PCDHGA3: variants seen among roughly 807,000 people sequenced by gnomAD.
PCDHGA3 encodes protocadherin gamma subfamily A, 3, also known as protocadherin gamma-A3.
Under a neutral mutation model 58.5 loss-of-function variants are expected in PCDHGA3, and 40 were observed. The observed-to-expected ratio is 0.68, with a 90% CI of 0.53 to 0.89. The LOEUF (loss-of-function observed/expected upper bound fraction) is 0.89. Among genes scored for constraint, PCDHGA3 ranks in the 40% least tolerant of loss-of-function variants. The pLI, the probability that PCDHGA3 is intolerant of heterozygous loss-of-function variation, is 0.00. For synonymous variants in PCDHGA3, 530 were observed against 525.7 expected (o/e 1.01, Z -0.11); for missense variants, 1,223 against 1,195.9 (o/e 1.02, Z -0.33).
rs570083634 is a variant in PCDHGA3, at chr5:141,427,859, C to G, written c.2425-66948C>G. 25 of 1,556,390 alleles carry G rather than the reference C, an allele frequency of 1.6e-5. No homozygotes were observed. The Admixed American group carries it at 2.0e-4, about 13-fold the overall frequency. ...CCTTCGACCACGAGCAGCTGTGCGC[C>G]TTCGAGCTCACGATGCAGGCCCACG... On this transcript the variant is annotated intron_variant, in intron 1 of 3. Coordinates refer to ENST00000253812, the MANE Select transcript of PCDHGA3 (RefSeq NM_018916.4).
chr5:141,457,635 T>G (rs1242403589), intron 1 of PCDHGA3, among the ~76,000 whole-genome samples: 2 of 152,270 alleles, frequency 1.3e-5, no homozygotes, highest in African/African-American at 4.8e-5. Flanking sequence ...ATACTTGGCC[T>G]GATTATTTGC....
At chr5:141,410,715 GTT>G (rs2154543204) in intron 1 of PCDHGA3, 19 of 1,422,782 alleles carry the variant, frequency 1.3e-5, no homozygotes, top group Non-Finnish European at 1.8e-5. Context: ...AGAATCATAT[GTT>G]TAAAATCCAT....
intron 1 of PCDHGA3, chr5:141,383,000 C>T (rs1330577304): frequency 6.2e-7 from 1 of 1,613,646 alleles, no homozygotes; most frequent in Non-Finnish European, 8.5e-7. Context: ...ATTCTCTACT[C>T]CGTGTCGGAG....
At position 141,344,158 on chromosome 5, in the gene PCDHGA3, G is replaced by A. The variant is rs761148064; in HGVS notation, c.125G>A (p.Gly42Asp). The A allele has an allele frequency of 1.2e-6, 2 of 1,613,910 alleles. No individual in the cohort carries two copies. The highest frequency in any genetic ancestry group is 1.7e-6 in the Non-Finnish European group (2 of 1,179,908). Residue 42 changes from glycine (G) to aspartate (D), a missense_variant, in exon 1 of 4, where the codon GGT becomes GAT. Physicochemically the swap from Gly to Asp is moderately conservative, Grantham distance 94. Coordinates refer to ENST00000253812, the MANE Select transcript of PCDHGA3 (RefSeq NM_018916.4). Reference protein sequence around the residue: ...RYSVSEELDKGSFVGNIANDL... With the variant: ...RYSVSEELDKDSFVGNIANDL... ...TCGGTGTCTGAGGAGCTAGATAAAG[G>A]TTCCTTCGTGGGCAACATCGCTAAC...
intron 1 of PCDHGA3, chr5:141,426,693 A>C (rs62378458): frequency 0.034 from 14,964 of 435,892 alleles, 320 homozygotes; most frequent in Middle Eastern, 0.11. Flanking sequence ...CCAAAATAGC[A>C]TTGTTTTACA....
In PCDHGA3 at chr5:141,345,485, C is replaced by T; in HGVS notation, c.1452C>T (p.Asn484=). Residue 484 remains asparagine (N), a synonymous_variant, in exon 1 of 4, where the codon AAC becomes AAT. Coordinates refer to ENST00000253812, the MANE Select transcript of PCDHGA3 (RefSeq NM_018916.4). ...CCCAGGACCCAGATAGCAACAACAA[C>T]GCCCGCATCACTTATGCATTGACCG... ...VTAQDPDSNN[N]ARITYALTED... 6.2e-7 allele frequency: 1 copy of T among 1,614,174 alleles called. No individual in the cohort carries two copies. Among genetic ancestry groups the T allele is most frequent in the Non-Finnish European group, 8.5e-7 (1 of 1,180,018 alleles).
chr5:141,452,587 A>G (rs1171400700), intron 1 of PCDHGA3, among the ~76,000 whole-genome samples: 1 of 151,948 alleles, frequency 6.6e-6, no homozygotes, highest in Non-Finnish European at 1.5e-5. Context: ...CCATCTTTGT[A>G]TTTTTATTTT....
At chr5:141,483,603 A>T (rs1277479077) in intron 1 of PCDHGA3, among the ~76,000 whole-genome samples, 1 of 152,054 alleles carries the variant, frequency 6.6e-6, no homozygotes, top group Non-Finnish European at 1.5e-5. Context: ...AGGCTGGTTT[A>T]CACCTCCATC....
At chr5:141,410,764 A>G (rs1288407043) in intron 1 of PCDHGA3, 2 of 1,105,068 alleles carry the variant, frequency 1.8e-6, no homozygotes, top group African/African-American at 1.6e-5. Context: ...TTTTTCAATT[A>G]TAGTTTTCAC....
chr5:141,430,904 T>C (rs2097322701), intron 1 of PCDHGA3: 5 of 1,606,730 alleles, frequency 3.1e-6, no homozygotes, highest in Middle Eastern at 1.7e-4. Context: ...GGGCGACATC[T>C]CCAGGGACCT....
intron 1 of PCDHGA3, chr5:141,384,394 G>C (rs1252206948): frequency 1.2e-6 from 2 of 1,613,814 alleles, no homozygotes; most frequent in Non-Finnish European, 1.7e-6. Context: ...CATCCAGGGG[G>C]CTCCAGTGTC....
At chr5:141,347,112 CTCCT>C (rs753513852) in intron 1 of PCDHGA3, among the ~76,000 whole-genome samples, 5 of 80,984 alleles carry the variant, frequency 6.2e-5, no homozygotes, top group African/African-American at 2.5e-4. Context: ...TCTCTCTTTC[CTCCT>C]TCCTTCCTTC....
chr5:141,407,958 A>G lies in PCDHGA3; in HGVS notation c.2424+61501A>G, dbSNP rs1018466165. On this transcript the variant is annotated intron_variant, in intron 1 of 3. Transcript: ENST00000253812. ...TGGGCGCCGCTGTCGGCCAGTGCAG[A>G]GCAAGCGCTGACGCCGGGGATCCGT... 5 of 660,632 alleles carry G rather than the reference A, an allele frequency of 7.6e-6. No homozygotes were observed. In the South Asian group the frequency reaches 1.2e-4, roughly 15 times the overall value. 40.9% of individuals were successfully genotyped at this position (660,632 alleles called of 1,614,324 possible).
intron 1 of PCDHGA3, among the ~76,000 whole-genome samples, chr5:141,471,887 G>T (rs1215891997): frequency 6.6e-6 from 1 of 152,152 alleles, no homozygotes; most frequent in African/African-American, 2.4e-5. Context: ...CTGAAGCTAG[G>T]AAGATTGACT....
chr5:141,399,659 T>A (rs1277891886), intron 1 of PCDHGA3: 1 of 1,613,684 alleles, frequency 6.2e-7, no homozygotes, highest in African/African-American at 1.3e-5. Flanking sequence ...GGGGTGGTGT[T>A]CGCGCAGCGC....
intron 1 of PCDHGA3, among the ~76,000 whole-genome samples, chr5:141,480,949 G>A (rs949853273): frequency 2.0e-4 from 30 of 152,136 alleles, no homozygotes; most frequent in African/African-American, 4.6e-4. Flanking sequence ...AGAGGCTGAG[G>A]CGGAAGCATC....
intron 1 of PCDHGA3, chr5:141,394,982 C>G (rs754667421): frequency 2.7e-5 from 44 of 1,613,866 alleles, no homozygotes; most frequent in Non-Finnish European, 3.6e-5. Context: ...ACAAGTCACG[C>G]CTGCTCCAGG....
intron 1 of PCDHGA3, among the ~76,000 whole-genome samples, chr5:141,347,248 G>A (rs768433693): frequency 2.0e-4 from 30 of 151,524 alleles, no homozygotes; most frequent in Middle Eastern, 6.8e-3. Flanking sequence ...TGACCTCGCA[G>A]ACTCAAGTGA....
At chr5:141,425,321 G>A (rs1020940689) in intron 1 of PCDHGA3, among the ~76,000 whole-genome samples, 2 of 152,182 alleles carry the variant, frequency 1.3e-5, no homozygotes, top group South Asian at 2.1e-4. Flanking sequence ...CAAGATCGTG[G>A]AGAACAAAAA....
Sources: allele counts gnomAD v4.1 joint callset (sites outside exome capture counted in the v4.1 genomes callset), GRCh38; gene constraint gnomAD v4.1.1; transcripts MANE v1.5; gene names NCBI Gene and HGNC (gene_info 2026-07-23, HGNC 2026-07-21).